The following SHB variants were observed in gnomAD, a reference collection of about 807,000 sequenced individuals.
The protein encoded by SHB is SH2 domain containing adaptor protein B.
Under a neutral mutation model 52.3 loss-of-function variants are expected in SHB, and 20 were observed. That is an observed-to-expected ratio of 0.38 (90% CI 0.27 to 0.56). The LOEUF is 0.56. Ranked by LOEUF, SHB falls within the 20% of genes least tolerant of loss-of-function variation. SHB has a pLI of 0.71. For synonymous variants in SHB, 397 were observed against 316.5 expected, an observed-to-expected ratio of 1.25 and a Z score of -2.70; for missense variants, 825 against 723.3, an observed-to-expected ratio of 1.14 and a Z score of -1.61.
At chr9:37,988,027 G>A (rs570803659) in intron 2 of SHB, among the ~76,000 whole-genome samples, 1 of 152,304 alleles carries the variant, frequency 6.6e-6, no homozygotes, top group South Asian at 2.1e-4. Context: ...CTGTATACCT[G>A]GGGCGTCACA....
intron 5 of SHB, 64 bp downstream of exon 5, chr9:37,948,571 C>T (rs41314219): frequency 1.7e-4 from 275 of 1,588,152 alleles, no homozygotes; most frequent in Middle Eastern, 3.9e-4. Flanking sequence ...GCCACAGACA[C>T]GGTGGCCGGC....
chr9:37,920,275 A>AAAAACAAAAC (rs60630259), intron 5 of SHB, among the ~76,000 whole-genome samples: 2,721 of 145,364 alleles, frequency 0.019, 52 homozygotes, highest in African/African-American at 0.038. Flanking sequence ...ACTTCTTCAG[A>AAAAACAAAAC]AAAACAAAAC....
At chr9:37,938,984 G>C (rs1187904321) in intron 5 of SHB, among the ~76,000 whole-genome samples, 1 of 152,164 alleles carries the variant, frequency 6.6e-6, no homozygotes, top group Non-Finnish European at 1.5e-5. Flanking sequence ...TATCCACCCA[G>C]CTGCTCCGAA....
intron 5 of SHB, among the ~76,000 whole-genome samples, chr9:37,943,425 G>A (rs902510541): frequency 2.0e-5 from 3 of 152,316 alleles, no homozygotes; most frequent in Middle Eastern, 3.4e-3. Flanking sequence ...GAGCTCATTG[G>A]CTGGGCTGGA....
intron 2 of SHB, among the ~76,000 whole-genome samples, chr9:37,982,978 C>CCCA (rs570105527): frequency 3.2e-4 from 48 of 151,478 alleles, no homozygotes; most frequent in Non-Finnish European, 5.0e-4. Context: ...CTGGTGCCCC[C>CCCA]CCCTCCATCT....
intron 1 of SHB, among the ~76,000 whole-genome samples, chr9:38,057,873 T>C (rs1821840910): frequency 6.6e-6 from 1 of 152,178 alleles, no homozygotes. Context: ...AGCAATGAAA[T>C]GTTCTGCTGA....
intron 1 of SHB, among the ~76,000 whole-genome samples, chr9:38,066,573 G>T (rs1385715162): frequency 6.6e-6 from 1 of 152,168 alleles, no homozygotes; most frequent in Admixed American, 6.5e-5. Context: ...GGCATCCTAG[G>T]TGCTTTAGAA....
intron 5 of SHB, among the ~76,000 whole-genome samples, chr9:37,933,166 T>C (rs1032192939): frequency 1.3e-5 from 2 of 152,202 alleles, no homozygotes; most frequent in African/African-American, 2.4e-5. Flanking sequence ...TTTTGCAAAT[T>C]ATATGAATGA....
At chr9:37,927,269 C>T in intron 5 of SHB, among the ~76,000 whole-genome samples, 1 of 152,208 alleles carries the variant, frequency 6.6e-6, no homozygotes, top group African/African-American at 2.4e-5. Context: ...GGCCACGTGG[C>T]CAACACCTGC....
intron 5 of SHB, among the ~76,000 whole-genome samples, chr9:37,927,730 G>A (rs2118466097): frequency 6.6e-6 from 1 of 152,352 alleles, no homozygotes; most frequent in Non-Finnish European, 1.5e-5. Context: ...TACCAGGGGT[G>A]TGTAAGTGGG....
intron 1 of SHB, 62 bp downstream of exon 1, chr9:38,067,867 C>T: frequency 7.1e-7 from 1 of 1,399,008 alleles, no homozygotes; most frequent in Non-Finnish European, 9.2e-7. Flanking sequence ...CGGCGGGTGC[C>T]TCGGTTTCCC....
intron 1 of SHB, among the ~76,000 whole-genome samples, chr9:38,047,443 C>A (rs1255675674): frequency 2.6e-5 from 4 of 152,218 alleles, no homozygotes; most frequent in Admixed American, 1.3e-4. Context: ...CTGGAGACTG[C>A]AAGGCTTCAC....
chr9:37,931,806 G>A (rs921085192), intron 5 of SHB, among the ~76,000 whole-genome samples: 19 of 152,156 alleles, frequency 1.2e-4, no homozygotes, highest in African/African-American at 3.9e-4. Flanking sequence ...TTACAGCAGC[G>A]CCATTCACAA....
Position 38,009,480 on chromosome 9 carries a change from G to C in SHB, c.838+6531C>G, listed in dbSNP as rs151112460. 2.6e-5 allele frequency among the ~76,000 whole-genome samples: 4 copies of C among 152,382 alleles called. No individual in the cohort carries two copies. In the East Asian group the frequency reaches 7.7e-4, roughly 29 times the overall value. On this transcript the variant is annotated intron_variant, in intron 2 of 5. Transcript: ENST00000377707. ...AGGCAGAATCTGATTTTAGAGATGA[G>C]GGAACTGAAGCCCAGAGAAGAGAAG...
At chr9:37,990,035 G>A (rs1220484206) in intron 2 of SHB, among the ~76,000 whole-genome samples, 5 of 152,138 alleles carry the variant, frequency 3.3e-5, no homozygotes, top group Non-Finnish European at 5.9e-5. Flanking sequence ...GCCCTGAAAA[G>A]CCGTCCTTAA....
At chr9:38,031,648 C>T (rs937567375) in intron 1 of SHB, among the ~76,000 whole-genome samples, 6 of 152,202 alleles carry the variant, frequency 3.9e-5, no homozygotes, top group African/African-American at 9.6e-5. Flanking sequence ...GTGTCCCTTC[C>T]GCTTTAAGGG....
chr9:38,024,839 G>A (rs900824727), intron 1 of SHB, among the ~76,000 whole-genome samples: 1 of 152,206 alleles, frequency 6.6e-6, no homozygotes, highest in Non-Finnish European at 1.5e-5. Context: ...AGCCACTACT[G>A]AAAGGATCCC....
At chr9:38,048,617 T>C (rs938764000) in intron 1 of SHB, among the ~76,000 whole-genome samples, 1 of 152,108 alleles carries the variant, frequency 6.6e-6, no homozygotes, top group Admixed American at 6.5e-5. Flanking sequence ...CTGGGTGACA[T>C]AGCAAGGCCC....
At chr9:37,941,979 T>G (rs1357950404) in intron 5 of SHB, among the ~76,000 whole-genome samples, 1 of 152,210 alleles carries the variant, frequency 6.6e-6, no homozygotes. Flanking sequence ...TTCTTTCTCC[T>G]AGCTGTCAGC....
Sources: gnomAD v4.1 joint callset for allele counts (sites outside exome capture counted in the v4.1 genomes callset) on GRCh38, gnomAD v4.1.1 for gene constraint, MANE v1.5 for transcripts, NCBI Gene and HGNC (gene_info 2026-07-23, HGNC 2026-07-21) for gene names.